Variants in COP1 observed in about 807,000 individuals in gnomAD.
COP1 encodes the protein COP1 E3 ubiquitin ligase.
In COP1, 24 loss-of-function variants were observed where a neutral mutation model predicts 101.3. The observed-to-expected ratio is 0.24, with a 90% CI of 0.17 to 0.33. The LOEUF (loss-of-function observed/expected upper bound fraction) is 0.33, where lower values mean the gene tolerates loss of function less well. Among genes scored for constraint, COP1 ranks in the 10% least tolerant of loss-of-function variants. The pLI is 1.00. For missense variants in COP1, 663 were observed against 906.2 expected (o/e 0.73, Z 3.45); for synonymous variants, 347 against 341.9 (o/e 1.01, Z -0.17).
chr1:176,148,884 C>T, intron 6 of COP1, 122 bp downstream of exon 6: 1 of 605,054 alleles, frequency 1.7e-6, no homozygotes. Context: ...AGGAAACCTC[C>T]TAAAAATTCA....
chr1:176,151,335 GAAGGAAGGAAAGAAAGAA>G (rs1692437122), intron 5 of COP1, among the ~76,000 whole-genome samples: 1 of 134,836 alleles, frequency 7.4e-6, no homozygotes, highest in African/African-American at 2.9e-5. Context: ...AAGAAAGAAA[GAAGGAAGGAAAGAAAGAA>G]AAAGAAAGAA....
At chr1:176,057,140 T>A (rs892008366) in intron 11 of COP1, among the ~76,000 whole-genome samples, 1 of 152,214 alleles carries the variant, frequency 6.6e-6, no homozygotes, top group African/African-American at 2.4e-5. Flanking sequence ...CCAAACTTAC[T>A]AATTATAAGT....
intron 1 of COP1, among the ~76,000 whole-genome samples, chr1:176,187,074 A>C (rs547518488): frequency 6.6e-6 from 1 of 152,350 alleles, no homozygotes; most frequent in Admixed American, 6.5e-5. Context: ...AAATCAGTTA[A>C]AGCCAATAGC....
intron 1 of COP1, among the ~76,000 whole-genome samples, chr1:176,205,723 C>G (rs1347099724): frequency 6.6e-6 from 1 of 152,238 alleles, no homozygotes; most frequent in African/African-American, 2.4e-5. Flanking sequence ...TATGACTAAC[C>G]TCTCTATCCC....
At chr1:175,965,283 T>C (rs888150832) in intron 18 of COP1, among the ~76,000 whole-genome samples, 7 of 152,218 alleles carry the variant, frequency 4.6e-5, no homozygotes, top group Non-Finnish European at 1.0e-4. Context: ...GCATGATCTA[T>C]AGTTGCCTTA....
At position 176,094,683 on chromosome 1, in the gene COP1, A is replaced by G. The variant is rs1465512849; in HGVS notation, c.1027-8793T>C. Among the ~76,000 whole-genome samples, 6 of 152,136 alleles carry G rather than the reference A, an allele frequency of 3.9e-5. No homozygotes were observed. In the South Asian group the frequency reaches 6.2e-4, roughly 16 times the overall value. On this transcript the variant is annotated intron_variant, in intron 9 of 19. Coordinates refer to ENST00000367669, the MANE Select transcript of COP1 (RefSeq NM_022457.7). ...GTCATTGGAAAAAGTTAAAAAAAAA[A>G]AAAAGTCCTCAAATAAATGCTAGAA...
intron 18 of COP1, among the ~76,000 whole-genome samples, chr1:175,954,489 A>G (rs961176584): frequency 6.6e-6 from 1 of 152,182 alleles, no homozygotes; most frequent in African/African-American, 2.4e-5. Flanking sequence ...ATTGAAAAAA[A>G]TCAATAAAAT....
At chr1:175,961,374 G>A (rs375979431) in intron 18 of COP1, among the ~76,000 whole-genome samples, 5 of 152,188 alleles carry the variant, frequency 3.3e-5, no homozygotes, top group East Asian at 1.9e-4. Flanking sequence ...ACTTTGGCAT[G>A]AAGTTTATTA....
intron 1 of COP1, among the ~76,000 whole-genome samples, chr1:176,198,402 T>C (rs1279635626): frequency 2.0e-5 from 3 of 152,100 alleles, no homozygotes; most frequent in African/African-American, 7.2e-5. Flanking sequence ...TTTCAACAAA[T>C]GATGTTATAA....
chr1:176,006,664 T>C (rs1663315158), intron 15 of COP1, among the ~76,000 whole-genome samples: 1 of 152,232 alleles, frequency 6.6e-6, no homozygotes, highest in African/African-American at 2.4e-5. Flanking sequence ...TTTAAGAATG[T>C]TGAATATTGG....
chr1:176,157,014 A>C (rs1003652013), intron 5 of COP1, among the ~76,000 whole-genome samples: 7 of 152,222 alleles, frequency 4.6e-5, no homozygotes, highest in Non-Finnish European at 8.8e-5. Flanking sequence ...CCTGGTCAAC[A>C]TGGTGAGACG....
intron 7 of COP1, among the ~76,000 whole-genome samples, chr1:176,135,355 C>CA (rs531878476): frequency 7.9e-4 from 120 of 151,384 alleles, no homozygotes; most frequent in Admixed American, 2.6e-3. Flanking sequence ...CCACCACATG[C>CA]AAAAAAAGAT....
In COP1 at chr1:175,987,079, A is replaced by T. The variant is rs1231803074; in HGVS notation, c.1997T>A (p.Leu666Gln). 2 of 1,512,484 alleles carry T rather than the reference A, an allele frequency of 1.3e-6. No homozygotes were observed. The highest frequency in any genetic ancestry group is 4.3e-5 in the Admixed American group (2 of 46,938). The allele number at this position is 1,512,484 out of a possible 1,614,324, so 93.7% of individuals were successfully genotyped here. A position where few individuals can be genotyped will look rare whatever the true frequency, so the allele number is the denominator to read the frequency against. ...ACGSENNSLY[L>Q]YYKGLSKTLL... ...AGTCTTAGAAAGTCCTTTATAGTAC[A>T]GGTAGAGAGAGTTATTTTCACTTCC... The change falls in exon 18 of 20, where the codon CTG (leucine) becomes CAG (glutamine). Residue 666 changes from leucine (L) to glutamine (Q), a missense_variant. Physicochemically the swap from Leu to Gln is moderately radical, Grantham distance 113 (BLOSUM62 -2). Coordinates refer to ENST00000367669, the MANE Select transcript of COP1 (RefSeq NM_022457.7).
At chr1:176,155,933 T>C (rs1572573745) in intron 5 of COP1, among the ~76,000 whole-genome samples, 1 of 151,996 alleles carries the variant, frequency 6.6e-6, no homozygotes, top group Non-Finnish European at 1.5e-5. Flanking sequence ...AAAAAAGTTA[T>C]ACAAGTAAAA....
At chr1:176,075,672 A>T (rs917908187) in intron 11 of COP1, among the ~76,000 whole-genome samples, 1 of 152,176 alleles carries the variant, frequency 6.6e-6, no homozygotes, top group Non-Finnish European at 1.5e-5. Context: ...AAAACAAGTT[A>T]TTCTCGGCTT....
chr1:176,108,473 C>T (rs949468934), intron 9 of COP1, among the ~76,000 whole-genome samples: 28 of 152,038 alleles, frequency 1.8e-4, no homozygotes, highest in Admixed American at 3.3e-4. Flanking sequence ...ATTACCAAAT[C>T]AAACTATTTT....
At chr1:176,043,151 A>G (rs1459916295) in intron 14 of COP1, 35 bp downstream of exon 14, 4 of 1,284,796 alleles carry the variant, frequency 3.1e-6, no homozygotes, top group Non-Finnish European at 4.5e-6. Context: ...AGGGCCAGGG[A>G]GAAGGAGGTG....
At position 176,035,174 on chromosome 1, in the gene COP1, G is replaced by A. The variant is rs141157504; in HGVS notation, c.1613-7486C>T. Among the ~76,000 whole-genome samples the A allele has an allele frequency of 2.6e-3, 400 of 152,050 alleles. 3 individuals are homozygous for A. Among genetic ancestry groups the A allele is most frequent in the African/African-American group, 9.2e-3 (382 of 41,498 alleles). ...TGAAACAGATTTTAAAGCAACTATT[G>A]TAATTATACTCCATGGGGTAAAAAT... On this transcript the variant is annotated intron_variant, in intron 14 of 19. Transcript: ENST00000367669.
chr1:176,003,362 C>T (rs2148882814), intron 15 of COP1, among the ~76,000 whole-genome samples: 1 of 152,066 alleles, frequency 6.6e-6, no homozygotes, highest in East Asian at 1.9e-4. Flanking sequence ...TAATTAGATC[C>T]CATTTGTCAA....
Sources: gnomAD v4.1 joint callset for allele counts (sites outside exome capture counted in the v4.1 genomes callset) on GRCh38, gnomAD v4.1.1 for gene constraint, MANE v1.5 for transcripts, NCBI Gene and HGNC (gene_info 2026-07-23, HGNC 2026-07-21) for gene names.